Variants in TRHDE observed in about 807,000 individuals in gnomAD.
TRHDE encodes thyrotropin releasing hormone degrading enzyme, also known as thyrotropin-releasing hormone-degrading ectoenzyme.
In TRHDE, 72 loss-of-function variants were observed where a neutral mutation model predicts 125.7. That is an observed-to-expected ratio of 0.57 (90% confidence interval 0.47 to 0.70). The LOEUF is 0.70. Among genes scored for constraint, TRHDE ranks in the 30% least tolerant of loss-of-function variants. The pLI is 0.00. For missense variants in TRHDE, 1,110 were observed against 1,327.1 expected (o/e 0.84, Z 2.54); for synonymous variants, 509 against 509.1 (o/e 1.00, Z 0.00).
chr12:72,165,033 G>A (rs756288549), intron 2 of TRHDE, among the ~76,000 whole-genome samples: 21 of 152,108 alleles, frequency 1.4e-4, no homozygotes, highest in South Asian at 4.2e-4. Flanking sequence ...GGGGCCCTAG[G>A]AATAAAATAG....
chr12:72,353,694 A>G (rs911597085), intron 2 of TRHDE, among the ~76,000 whole-genome samples: 2 of 151,622 alleles, frequency 1.3e-5, no homozygotes, highest in Non-Finnish European at 3.0e-5. Flanking sequence ...TACTCATCTC[A>G]CTAATTATCA....
chr12:72,460,524 C>T (rs1876077939), intron 3 of TRHDE, among the ~76,000 whole-genome samples: 1 of 152,082 alleles, frequency 6.6e-6, no homozygotes, highest in African/African-American at 2.4e-5. Context: ...TTTATATGCC[C>T]AGCCTAAATC....
At chr12:72,229,597 G>A (rs1191590602) in intron 2 of TRHDE, among the ~76,000 whole-genome samples, 1 of 152,144 alleles carries the variant, frequency 6.6e-6, no homozygotes, top group African/African-American at 2.4e-5. Context: ...GCATTCCTTT[G>A]ATCAAAATAC....
At chr12:72,594,502 G>GTC (rs1555200620) in intron 12 of TRHDE, among the ~76,000 whole-genome samples, 16 of 136,012 alleles carry the variant, frequency 1.2e-4, no homozygotes, top group African/African-American at 3.7e-4. Context: ...ACAGATGTGA[G>GTC]TTTTTTTTTT....
At chr12:72,640,041 G>A (rs1873974423) in intron 15 of TRHDE, among the ~76,000 whole-genome samples, 1 of 152,188 alleles carries the variant, frequency 6.6e-6, no homozygotes, top group Non-Finnish European at 1.5e-5. Context: ...CCCAGTTCCA[G>A]CTTCCCTGCT....
chr12:72,289,443 C>T (rs1043397271), intron 2 of TRHDE, among the ~76,000 whole-genome samples: 1 of 152,138 alleles, frequency 6.6e-6, no homozygotes, highest in Non-Finnish European at 1.5e-5. Flanking sequence ...CAGACTGAAT[C>T]CAAGGCTGCA....
Position 72,273,629 on chromosome 12 carries a change from C to T in TRHDE, c.914+72C>T, listed in dbSNP as rs1879355627. ...CTCGAACCTCTGGGCGGCCTGCGAC[C>T]CCGGGGACCCAGCTGGCTTCCAATA... On this transcript the variant is annotated intron_variant, in intron 1 of 18. Coordinates refer to ENST00000261180, the MANE Select transcript of TRHDE (RefSeq NM_013381.3). The surrounding 1 kb of genome is among the most constrained non-coding windows in gnomAD (Gnocchi z 5.3). 1.4e-6 allele frequency: 2 copies of T among 1,425,862 alleles called. No homozygotes were observed. Among genetic ancestry groups the T allele is most frequent in the Non-Finnish European group, 1.9e-6 (2 of 1,059,618 alleles). The allele number at this position is 1,425,862 out of a possible 1,614,324, so 88.3% of individuals were successfully genotyped here.
At chr12:72,659,680 G>A (rs1267153731) in intron 18 of TRHDE, among the ~76,000 whole-genome samples, 1 of 151,966 alleles carries the variant, frequency 6.6e-6, no homozygotes, top group East Asian at 1.9e-4. Flanking sequence ...TAACAAACAT[G>A]CTTCAAAGTT....
At chr12:72,092,649 G>T (rs1874818975) in intron 1 of TRHDE, among the ~76,000 whole-genome samples, 2 of 152,214 alleles carry the variant, frequency 1.3e-5, no homozygotes, top group East Asian at 1.9e-4. Context: ...CATGCAAACA[G>T]TTCTCTGAGG....
chr12:72,227,467 C>T (rs1178696164), intron 2 of TRHDE, among the ~76,000 whole-genome samples: 2 of 152,136 alleles, frequency 1.3e-5, no homozygotes, highest in Non-Finnish European at 2.9e-5. Flanking sequence ...TCAATTAACT[C>T]CAACTGGGTC....
At chr12:72,562,545 A>G (rs1266868115) in intron 8 of TRHDE, among the ~76,000 whole-genome samples, 1 of 152,030 alleles carries the variant, frequency 6.6e-6, no homozygotes, top group Non-Finnish European at 1.5e-5. Context: ...TATAGGTCAG[A>G]TATTTAAATG....
At chr12:72,157,569 A>T (rs956011361) in intron 2 of TRHDE, among the ~76,000 whole-genome samples, 4 of 152,210 alleles carry the variant, frequency 2.6e-5, no homozygotes, top group African/African-American at 9.7e-5. Flanking sequence ...TTGGATATGG[A>T]GTCTTAGAAA....
At chr12:72,616,208 T>G (rs1460565815) in intron 12 of TRHDE, among the ~76,000 whole-genome samples, 1 of 152,156 alleles carries the variant, frequency 6.6e-6, no homozygotes, top group Non-Finnish European at 1.5e-5. Flanking sequence ...TTTTATTTTT[T>G]TCACACAATG....
intron 6 of TRHDE, among the ~76,000 whole-genome samples, chr12:72,510,113 T>C (rs1878522265): frequency 6.6e-6 from 1 of 152,166 alleles, no homozygotes; most frequent in Non-Finnish European, 1.5e-5. Flanking sequence ...TGCTGTCTCT[T>C]CCCTCTCCTG....
intron 17 of TRHDE, among the ~76,000 whole-genome samples, chr12:72,654,661 T>C (rs941065686): frequency 2.6e-5 from 4 of 152,138 alleles, no homozygotes; most frequent in African/African-American, 9.7e-5. Flanking sequence ...CATCCACCAA[T>C]TGCTCAAGCC....
chr12:72,239,136 T>C (rs1156543881), intron 2 of TRHDE, among the ~76,000 whole-genome samples: 1 of 152,246 alleles, frequency 6.6e-6, no homozygotes, highest in Non-Finnish European at 1.5e-5. Flanking sequence ...ATTTCTCTGA[T>C]GGCCAGTGAT....
chr12:72,568,791 C>A, intron 10 of TRHDE, 135 bp downstream of exon 10: 2 of 510,418 alleles, frequency 3.9e-6, no homozygotes, highest in Admixed American at 3.4e-5. Flanking sequence ...GATTATCAAC[C>A]CTATAAAATT....
At chr12:72,345,002 A>T (rs1484842929) in intron 2 of TRHDE, among the ~76,000 whole-genome samples, 3 of 152,072 alleles carry the variant, frequency 2.0e-5, no homozygotes, top group Non-Finnish European at 4.4e-5. Flanking sequence ...TATAATTCCT[A>T]CGTGGTTGAC....
At chr12:72,330,292 C>A (rs1869529748) in intron 2 of TRHDE, among the ~76,000 whole-genome samples, 1 of 151,704 alleles carries the variant, frequency 6.6e-6, no homozygotes, top group South Asian at 2.1e-4. Context: ...TCCCTACCCC[C>A]CACCTCCCAA....
Sources: allele counts gnomAD v4.1 joint callset (sites outside exome capture counted in the v4.1 genomes callset), GRCh38; gene constraint gnomAD v4.1.1; non-coding constraint Gnocchi (gnomAD v3.1); transcripts MANE v1.5; gene names NCBI Gene and HGNC (gene_info 2026-07-23, HGNC 2026-07-21).